PRKG1: variants seen among roughly 807,000 people sequenced by gnomAD.
The protein encoded by PRKG1 is cGMP-dependent protein kinase 1.
A neutral mutation model predicts 88.1 loss-of-function variants in PRKG1; 35 were observed. The observed-to-expected ratio is 0.40, with a 90% CI of 0.30 to 0.53. The LOEUF is 0.53. Ranked by LOEUF, PRKG1 falls within the 20% of genes least tolerant of loss-of-function variation. The pLI is 0.59. For missense variants in PRKG1, 540 were observed against 839.8 expected, an observed-to-expected ratio of 0.64 and a Z score of 4.41; for synonymous variants, 303 against 292.5, an observed-to-expected ratio of 1.04 and a Z score of -0.37.
intron 3 of PRKG1, among the ~76,000 whole-genome samples, chr10:51,486,832 A>G (rs1840556889): frequency 6.6e-6 from 1 of 152,030 alleles, no homozygotes; most frequent in Admixed American, 6.6e-5. Flanking sequence ...AACTCAATTC[A>G]CCAGTGCTTG....
intron 2 of PRKG1, among the ~76,000 whole-genome samples, chr10:51,352,777 A>C (rs1048030834): frequency 6.6e-6 from 1 of 152,208 alleles, no homozygotes; most frequent in African/African-American, 2.4e-5. Flanking sequence ...AATTTGCATG[A>C]AATCAGAAAT....
At chr10:51,212,237 T>C (rs1838241806) in intron 2 of PRKG1, among the ~76,000 whole-genome samples, 1 of 151,668 alleles carries the variant, frequency 6.6e-6, no homozygotes, top group Non-Finnish European at 1.5e-5. Flanking sequence ...ATTTAATAAA[T>C]GGTGCTGGGA....
Position 51,912,522 on chromosome 10 carries a change from A to G in PRKG1, c.762+4952A>G, listed in dbSNP as rs138069292. ...TTCTTATTGACTATTCATTCTGAAT[A>G]TTCATTGTAAAACAATACTTCCAGC... is the stretch of plus-strand genomic sequence containing the variant. On this transcript the variant is annotated intron_variant, in intron 5 of 17. Transcript: ENST00000373980. Among the ~76,000 whole-genome samples the G allele has an allele frequency of 3.0e-3, 464 of 152,346 alleles. 3 individuals carry two copies. Among genetic ancestry groups the G allele is most frequent in the Admixed American group, 5.4e-3 (83 of 15,302 alleles).
chr10:51,138,679 T>TTG (rs1564614769), intron 1 of PRKG1, among the ~76,000 whole-genome samples: 5 of 123,392 alleles, frequency 4.1e-5, no homozygotes, highest in Admixed American at 2.4e-4. Context: ...AGTTTTGTTT[T>TTG]TTTTTTTTTT....
At chr10:51,905,459 A>G (rs1166628189) in intron 4 of PRKG1, among the ~76,000 whole-genome samples, 1 of 152,158 alleles carries the variant, frequency 6.6e-6, no homozygotes, top group African/African-American at 2.4e-5. Flanking sequence ...TGTAAGTCAA[A>G]CATCAGGCAT....
At chr10:51,243,453 C>T (rs1190093254) in intron 2 of PRKG1, among the ~76,000 whole-genome samples, 1 of 152,092 alleles carries the variant, frequency 6.6e-6, no homozygotes, top group Non-Finnish European at 1.5e-5. Context: ...CTCTGGCGGA[C>T]CTTATGTTTT....
chr10:51,167,798 A>G lies in PRKG1; in HGVS notation c.478+14468A>G, dbSNP rs536801198. Among the ~76,000 whole-genome samples, 55 of 152,280 alleles carry G rather than the reference A, an allele frequency of 3.6e-4. 1 individual carries two copies. The South Asian group carries it at 0.011, about 30-fold the overall frequency. On this transcript the variant is annotated intron_variant, in intron 2 of 17. Coordinates refer to ENST00000373980, the MANE Select transcript of PRKG1 (RefSeq NM_006258.4). ...ATTTTCTGAGATGGAAAAAAGTGAG[A>G]TACTTCATCTTTGAGAGTACAAGAC...
At chr10:51,423,259 A>C (rs1405494604) in intron 2 of PRKG1, among the ~76,000 whole-genome samples, 1 of 152,208 alleles carries the variant, frequency 6.6e-6, no homozygotes, top group Non-Finnish European at 1.5e-5. Context: ...GTAGTTACGC[A>C]ATCTCTTTCT....
intron 2 of PRKG1, among the ~76,000 whole-genome samples, chr10:51,237,798 G>T (rs1257826645): frequency 6.6e-6 from 1 of 151,818 alleles, no homozygotes; most frequent in Admixed American, 6.6e-5. Context: ...GAAAAAAAAA[G>T]AAAGCACTGA....
At chr10:51,859,783 A>G (rs1840822370) in intron 4 of PRKG1, among the ~76,000 whole-genome samples, 1 of 152,152 alleles carries the variant, frequency 6.6e-6, no homozygotes, top group Non-Finnish European at 1.5e-5. Context: ...ATACAAAAAA[A>G]TTCTCTTTAA....
chr10:51,113,601 A>G (rs1449918316), intron 1 of PRKG1, among the ~76,000 whole-genome samples: 1 of 152,172 alleles, frequency 6.6e-6, no homozygotes, highest in Non-Finnish European at 1.5e-5. Flanking sequence ...GATCCTGTTT[A>G]AAATACAAAC....
At chr10:51,654,508 G>A (rs1244781574) in intron 3 of PRKG1, among the ~76,000 whole-genome samples, 2 of 151,868 alleles carry the variant, frequency 1.3e-5, no homozygotes, top group African/African-American at 4.8e-5. Flanking sequence ...GGTTATTCAT[G>A]GTCTTCTATG....
chr10:51,247,747 T>C (rs10996314), intron 2 of PRKG1, among the ~76,000 whole-genome samples: 13,836 of 151,918 alleles, frequency 0.091, 764 homozygotes, highest in African/African-American at 0.15. Context: ...GTGTCTTTTC[T>C]TTCATTTCTG....
intron 5 of PRKG1, among the ~76,000 whole-genome samples, chr10:51,962,059 A>G (rs1006384340): frequency 1.4e-4 from 22 of 152,312 alleles, no homozygotes; most frequent in African/African-American, 5.1e-4. Flanking sequence ...CAAAAATCCA[A>G]AATCTATCCA....
chr10:51,986,506 A>T (rs1174059983), intron 5 of PRKG1, among the ~76,000 whole-genome samples: 2 of 152,216 alleles, frequency 1.3e-5, no homozygotes, highest in African/African-American at 2.4e-5. Flanking sequence ...GTAGGAGAAC[A>T]TTATGTGATG....
chr10:51,414,911 A>G (rs1405002265), intron 2 of PRKG1, among the ~76,000 whole-genome samples: 1 of 151,732 alleles, frequency 6.6e-6, no homozygotes, highest in Non-Finnish European at 1.5e-5. Flanking sequence ...CAAACAATGT[A>G]AAGATTTAAT....
Position 52,052,755 on chromosome 10 carries a change from A to T in PRKG1, c.763-1729A>T, listed in dbSNP as rs73341287. Among the ~76,000 whole-genome samples, 447 of 152,222 alleles carry T rather than the reference A, an allele frequency of 2.9e-3. 2 individuals carry two copies. The highest frequency in any genetic ancestry group is 0.01 in the African/African-American group (434 of 41,546). On this transcript the variant is annotated intron_variant, in intron 5 of 17. Transcript: ENST00000373980. ...GAACAGTATGGAAGAAACGGCTCTC[A>T]TGATTCAATTATCTCCCACCAGGTC...
chr10:51,905,055 G>T lies in PRKG1; in HGVS notation c.699-2452G>T, dbSNP rs77978720. Among the ~76,000 whole-genome samples, 1,055 of 152,286 alleles carry T rather than the reference G, an allele frequency of 6.9e-3. 12 individuals are homozygous for T. The highest frequency in any genetic ancestry group is 0.024 in the African/African-American group (999 of 41,566). ...TTTTCCAGGAATACCTAATGGGATA[G>T]AAGCACTCTAATTATTCATCTCAGA... is the stretch of plus-strand genomic sequence containing the variant. On this transcript the variant is annotated intron_variant, in intron 4 of 17. Coordinates refer to ENST00000373980, the MANE Select transcript of PRKG1 (RefSeq NM_006258.4).
At chr10:51,881,328 T>C (rs1481743056) in intron 4 of PRKG1, among the ~76,000 whole-genome samples, 1 of 152,220 alleles carries the variant, frequency 6.6e-6, no homozygotes, top group Non-Finnish European at 1.5e-5. Context: ...ATATATTAAA[T>C]AATTGTGCAT....
Sources: gnomAD v4.1 joint callset for allele counts (sites outside exome capture counted in the v4.1 genomes callset) on GRCh38, gnomAD v4.1.1 for gene constraint, MANE v1.5 for transcripts, NCBI Gene and HGNC (gene_info 2026-07-23, HGNC 2026-07-21) for gene names.